The following PPP1R16A variants were observed in gnomAD, a reference collection of about 807,000 sequenced individuals.
The protein encoded by PPP1R16A is myosin phosphatase-targeting subunit 3.
In PPP1R16A, 39 loss-of-function variants were observed where a neutral mutation model predicts 46.6. That is an observed-to-expected ratio of 0.84 (90% CI 0.65 to 1.09). PPP1R16A has a LOEUF of 1.09. Among genes scored for constraint, PPP1R16A ranks in the 50% least tolerant of loss-of-function variants. PPP1R16A has a pLI of 0.00. For missense variants in PPP1R16A, 798 were observed against 735.6 expected, an observed-to-expected ratio of 1.08 and a Z score of -0.98; for synonymous variants, 413 against 321.5, an observed-to-expected ratio of 1.28 and a Z score of -3.04.
chr8:144,488,336 C>T (rs1024968079), intron 1 of PPP1R16A, among the ~76,000 whole-genome samples: 1 of 152,178 alleles, frequency 6.6e-6, no homozygotes, highest in African/African-American at 2.4e-5. Context: ...AAGCAGATTT[C>T]TGCAAGCGTC....
At chr8:144,478,504 GT>G in intron 1 of PPP1R16A, 1 of 198,358 alleles carries the variant, frequency 5.0e-6, no homozygotes, top group East Asian at 1.1e-4. Context: ...GGCGCTTCGC[GT>G]TTTGTTCCAA....
intron 3 of PPP1R16A, 78 bp from the exon 4 acceptor site, chr8:144,498,692 T>G: frequency 7.1e-7 from 1 of 1,410,318 alleles, no homozygotes; most frequent in Non-Finnish European, 9.6e-7. Context: ...TGTCCTTCCC[T>G]GGGTCCTGGG....
At chr8:144,482,604 C>G (rs940633756) in intron 1 of PPP1R16A, among the ~76,000 whole-genome samples, 1 of 151,658 alleles carries the variant, frequency 6.6e-6, no homozygotes, top group African/African-American at 2.4e-5. Flanking sequence ...CTCCCTGCCT[C>G]AACCTCCCGA....
rs1035352816 is a variant in PPP1R16A, at chr8:144,500,356, G to A, written c.670G>A (p.Asp224Asn). Reference protein sequence around the residue: ...DIRSRLQAGADLHAPLDHGAT... With the variant: ...DIRSRLQAGANLHAPLDHGAT... ...CCGGAGCCGGCTGCAGGCCGGGGCA[G>A]ACCTCCATGCCCCCCTGGACCACGG... The change falls in exon 7 of 12, where the codon GAC (aspartate) becomes AAC (asparagine). Residue 224 changes from aspartate (D) to asparagine (N), a missense_variant. Physicochemically the swap from Asp to Asn is conservative, Grantham distance 23. Coordinates refer to ENST00000435887, the MANE Select transcript of PPP1R16A (RefSeq NM_001329443.2). The A allele has an allele frequency of 2.0e-6, 3 of 1,534,828 alleles. No individual in the cohort carries two copies. The African/African-American group carries it at 4.1e-5, about 21-fold the overall frequency.
chr8:144,494,001 C>T (rs377507078), intron 2 of PPP1R16A, among the ~76,000 whole-genome samples: 2 of 152,204 alleles, frequency 1.3e-5, no homozygotes, highest in Non-Finnish European at 2.9e-5. Flanking sequence ...GGATGTGCCT[C>T]GGAATGAGAA....
chr8:144,501,897 C>T lies in PPP1R16A; in HGVS notation c.1581C>T (p.Leu527=), dbSNP rs6988333. The change falls in exon 12 of 12, where the codon CTC becomes CTT. Residue 527 remains leucine (L), a synonymous_variant. Transcript: ENST00000435887. ...APVERRPCCL[L]M Reference sequence around the variant, plus strand: ...TGGAGAGGAGGCCGTGCTGCCTGCTCATGTGAGGCTGTTGCTCAGCATGCA... The same window carrying T: ...TGGAGAGGAGGCCGTGCTGCCTGCTTATGTGAGGCTGTTGCTCAGCATGCA... 2,549 of 1,524,354 alleles carry T rather than the reference C, an allele frequency of 1.7e-3. 23 individuals are homozygous for T. In the African/African-American group the frequency reaches 0.024, roughly 14 times the overall value. The allele number at this position is 1,524,354 out of a possible 1,614,324, so 94.4% of individuals were successfully genotyped here.
chr8:144,484,430 G>A (rs1413214683), intron 1 of PPP1R16A, among the ~76,000 whole-genome samples: 1 of 152,190 alleles, frequency 6.6e-6, no homozygotes, highest in African/African-American at 2.4e-5. Flanking sequence ...AGAAAGGTGT[G>A]ATTTGCAGGG....
At chr8:144,479,870 C>T (rs1200817721) in intron 1 of PPP1R16A, among the ~76,000 whole-genome samples, 1 of 152,194 alleles carries the variant, frequency 6.6e-6, no homozygotes, top group Non-Finnish European at 1.5e-5. Flanking sequence ...CTTGCTCAGC[C>T]AGGAGCTCAG....
At chr8:144,482,844 C>T (rs1825486784) in intron 1 of PPP1R16A, among the ~76,000 whole-genome samples, 1 of 152,096 alleles carries the variant, frequency 6.6e-6, no homozygotes, top group African/African-American at 2.4e-5. Flanking sequence ...AGACGGGTTT[C>T]ACCATGTTGG....
intron 2 of PPP1R16A, among the ~76,000 whole-genome samples, chr8:144,490,676 C>T (rs1413293935): frequency 1.3e-5 from 2 of 152,138 alleles, no homozygotes; most frequent in African/African-American, 4.8e-5. Flanking sequence ...GGCATGTCTC[C>T]AGAGACTGCA....
In PPP1R16A at chr8:144,499,028, G is replaced by A; in HGVS notation, c.443G>A (p.Gly148Asp). ...WTPLHAAATCGHLHLVELLIA... is the reference protein window; with the variant it reads ...WTPLHAAATCDHLHLVELLIA... ...CCTCTGCATGCTGCGGCCACCTGCG[G>A]CCACCTGCACCTGGTGGAGCTGCTC... The change falls in exon 5 of 12, where the codon GGC (glycine) becomes GAC (aspartate). Residue 148 changes from glycine to aspartate, a missense_variant. By Grantham distance (94) the Gly-to-Asp change is moderately conservative (BLOSUM62 -1). Coordinates refer to ENST00000435887, the MANE Select transcript of PPP1R16A (RefSeq NM_001329443.2). 1.3e-6 allele frequency: 2 copies of A among 1,589,390 alleles called. No homozygotes were observed. Among genetic ancestry groups the A allele is most frequent in the Non-Finnish European group, 1.7e-6 (2 of 1,164,190 alleles).
Position 144,501,252 on chromosome 8 carries a change from T to C in PPP1R16A, c.1161T>C (p.Asp387=), listed in dbSNP as rs1412202055. ...GCCCGGAGCCGCCCGAGGACAACGA[T>C]GACCGCCAGACAGGCGCAGAGCTCA... ...PTSPEPPEDN[D]DRQTGAELRP... Residue 387 remains aspartate (D), a synonymous_variant, in exon 11 of 12, where the codon GAT becomes GAC. Transcript: ENST00000435887. 6.2e-7 allele frequency: 1 copy of C among 1,603,748 alleles called. No homozygotes were observed.
intron 1 of PPP1R16A, among the ~76,000 whole-genome samples, chr8:144,481,891 C>T (rs959635625): frequency 2.6e-5 from 4 of 152,040 alleles, no homozygotes; most frequent in African/African-American, 7.2e-5. Context: ...AATTCTCCTG[C>T]CTCAGCCTTC....
chr8:144,491,610 A>T (rs1227436134), intron 2 of PPP1R16A, among the ~76,000 whole-genome samples: 2 of 152,038 alleles, frequency 1.3e-5, no homozygotes, highest in Non-Finnish European at 2.9e-5. Flanking sequence ...AAAAATACAA[A>T]AAATTAGCTG....
chr8:144,496,740 C>T lies in PPP1R16A; in HGVS notation c.-455C>T, dbSNP rs1826085129. ...GAGCCTAGAAGGTGAAAAGAGGACT[C>T]TCAGGGGCTCACAGGGGCTCTCACT... On this transcript the variant is annotated 5_prime_UTR_variant, in exon 3 of 12. Transcript: ENST00000435887. 1 of 228,996 alleles carries T rather than the reference C, an allele frequency of 4.4e-6. No individual in the cohort carries two copies. The highest frequency in any genetic ancestry group is 6.4e-5 in the South Asian group (1 of 15,642). 14.2% of individuals were successfully genotyped at this position (228,996 alleles called of 1,614,324 possible).
At chr8:144,498,659 G>A in intron 3 of PPP1R16A, 111 bp from the exon 4 acceptor site, 2 of 1,093,744 alleles carry the variant, frequency 1.8e-6, no homozygotes, top group Non-Finnish European at 2.6e-6. Flanking sequence ...TGTGCCTCCT[G>A]CCATCGGCAC....
Position 144,500,695 on chromosome 8 carries a change from G to C in PPP1R16A, c.841G>C (p.Val281Leu), listed in dbSNP as rs773894148. The change falls in exon 9 of 12, where the codon GTG becomes CTG. Residue 281 changes from valine to leucine, a missense_variant. Physicochemically the swap from Val to Leu is conservative, Grantham distance 32. Coordinates refer to ENST00000435887, the MANE Select transcript of PPP1R16A (RefSeq NM_001329443.2). ...GGCCTGCCGTCCACAGGTGCCCCTG[G>C]TGGAGCTGCTCGTGGCGCACGGGGC... is the stretch of plus-strand genomic sequence containing the variant. ...AAAYWGQVPL[V>L]ELLVAHGADL... 2.5e-6 allele frequency: 4 copies of C among 1,611,162 alleles called. No homozygotes were observed. The South Asian group carries it at 3.3e-5, about 13-fold the overall frequency.
At position 144,500,291 on chromosome 8, in the gene PPP1R16A, C is replaced by T. The variant is rs370011145; in HGVS notation, c.605C>T (p.Ala202Val). 1.1e-5 allele frequency: 17 copies of T among 1,546,412 alleles called. No individual in the cohort carries two copies. The highest frequency in any genetic ancestry group is 1.4e-5 in the Non-Finnish European group (16 of 1,147,560). The stretch of plus-strand genomic sequence containing the variant: ...GGCATCACCCAGGACAGCATCGAGG[C>T]CGCCCGGGCCGTGCCAGAACTGCGC... ...DRGITQDSIEAARAVPELRML... is the reference protein window; with the variant it reads ...DRGITQDSIEVARAVPELRML... Residue 202 changes from alanine (A) to valine (V), a missense_variant, in exon 7 of 12, where the codon GCC becomes GTC. Coordinates refer to ENST00000435887, the MANE Select transcript of PPP1R16A (RefSeq NM_001329443.2).
intron 2 of PPP1R16A, among the ~76,000 whole-genome samples, chr8:144,495,165 G>C (rs1564764656): frequency 6.6e-6 from 1 of 152,202 alleles, no homozygotes; most frequent in African/African-American, 2.4e-5. Flanking sequence ...GGCCTACAGG[G>C]GGGGACTATG....
Sources: gnomAD v4.1 joint callset for allele counts (sites outside exome capture counted in the v4.1 genomes callset) on GRCh38, gnomAD v4.1.1 for gene constraint, MANE v1.5 for transcripts, NCBI Gene and HGNC (gene_info 2026-07-23, HGNC 2026-07-21) for gene names.